SERGEF: variants seen among roughly 807,000 people sequenced by gnomAD.
The protein encoded by SERGEF is secretion regulating guanine nucleotide exchange factor.
Under a neutral mutation model 50.0 loss-of-function variants are expected in SERGEF, and 51 were observed. The observed-to-expected ratio is 1.02, with a 90% CI of 0.81 to 1.29. The LOEUF is 1.29. SERGEF is among the 50% of genes most tolerant of loss of function. The pLI, the probability that SERGEF is intolerant of heterozygous loss-of-function variation, is 0.00. For missense variants in SERGEF, 521 were observed against 557.0 expected, an observed-to-expected ratio of 0.94 and a Z score of 0.65; for synonymous variants, 205 against 212.4, an observed-to-expected ratio of 0.97 and a Z score of 0.30.
chr11:17,830,870 T>C (rs960045569), intron 10 of SERGEF, among the ~76,000 whole-genome samples: 3 of 152,166 alleles, frequency 2.0e-5, no homozygotes, highest in Non-Finnish European at 4.4e-5. Flanking sequence ...TTAGTAAGCA[T>C]ACATTTTCTA....
intron 8 of SERGEF, among the ~76,000 whole-genome samples, chr11:17,985,077 T>C (rs906800509): frequency 5.3e-5 from 8 of 152,202 alleles, no homozygotes; most frequent in Admixed American, 3.3e-4. Flanking sequence ...TAAAAGACTT[T>C]AGAAAACTTT....
chr11:17,989,551 T>C (rs766054766), intron 7 of SERGEF, among the ~76,000 whole-genome samples: 2 of 152,186 alleles, frequency 1.3e-5, no homozygotes, highest in African/African-American at 2.4e-5. Context: ...TACGTGCCTA[T>C]CTAAAAGGCA....
intron 9 of SERGEF, among the ~76,000 whole-genome samples, chr11:17,903,817 T>C (rs903214945): frequency 6.6e-6 from 1 of 152,198 alleles, no homozygotes; most frequent in Admixed American, 6.5e-5. Context: ...CTAACCATGA[T>C]CAGAACTGAG....
intron 10 of SERGEF, among the ~76,000 whole-genome samples, chr11:17,790,336 T>TG (rs1849460595): frequency 6.7e-6 from 1 of 148,308 alleles, no homozygotes; most frequent in Admixed American, 6.7e-5. Context: ...ATCATTCACA[T>TG]ATTTTTTTTT....
intron 10 of SERGEF, among the ~76,000 whole-genome samples, chr11:17,799,081 T>C (rs1849617842): frequency 6.6e-6 from 1 of 152,202 alleles, no homozygotes; most frequent in Admixed American, 6.5e-5. Flanking sequence ...TCAATCCTGG[T>C]GATACCTCCT....
intron 8 of SERGEF, among the ~76,000 whole-genome samples, chr11:17,973,932 ACC>A: frequency 6.6e-6 from 1 of 152,184 alleles, no homozygotes; most frequent in Non-Finnish European, 1.5e-5. Flanking sequence ...ATGTTCAAGG[ACC>A]CACCAGGAAA....
intron 10 of SERGEF, among the ~76,000 whole-genome samples, chr11:17,870,517 G>A (rs1485029235): frequency 1.3e-5 from 2 of 152,184 alleles, no homozygotes; most frequent in African/African-American, 2.4e-5. Flanking sequence ...TTCCAGGAAG[G>A]AATGAAGGCT....
chr11:17,806,444 T>C (rs564702560), intron 10 of SERGEF, among the ~76,000 whole-genome samples: 3 of 152,334 alleles, frequency 2.0e-5, no homozygotes, highest in Admixed American at 6.5e-5. Flanking sequence ...GCAGGAATGT[T>C]CTGGATCACT....
In SERGEF at chr11:17,918,475, C is replaced by T. The variant is rs61882455; in HGVS notation, c.1012-40231G>A. Among the ~76,000 whole-genome samples the T allele has an allele frequency of 9.6e-3, 1,460 of 152,274 alleles. 14 individuals are homozygous for T. Among genetic ancestry groups the T allele is most frequent in the Middle Eastern group, 0.024 (7 of 294 alleles). ...AGCACCTCCAAGGCAAATCCCTCCC[C>T]AGATGTCATGGCCTGGGAAACATCC... On this transcript the variant is annotated intron_variant, in intron 9 of 10. Coordinates refer to ENST00000265965, the MANE Select transcript of SERGEF (RefSeq NM_012139.4).
At chr11:17,916,231 G>T (rs1246956228) in intron 9 of SERGEF, among the ~76,000 whole-genome samples, 1 of 152,138 alleles carries the variant, frequency 6.6e-6, no homozygotes, top group Non-Finnish European at 1.5e-5. Flanking sequence ...TGGCCCTTCT[G>T]TACCTCTACA....
At chr11:17,842,277 C>T (rs934263822) in intron 10 of SERGEF, among the ~76,000 whole-genome samples, 3 of 152,096 alleles carry the variant, frequency 2.0e-5, no homozygotes, top group East Asian at 3.8e-4. Flanking sequence ...ATAACAGGTC[C>T]CTTTCTAATA....
intron 10 of SERGEF, among the ~76,000 whole-genome samples, chr11:17,819,403 A>T (rs943392673): frequency 6.6e-6 from 1 of 152,196 alleles, no homozygotes; most frequent in East Asian, 1.9e-4. Context: ...ACATTCATTG[A>T]CCCTATTATA....
intron 10 of SERGEF, among the ~76,000 whole-genome samples, chr11:17,838,879 T>A (rs979058658): frequency 1.2e-4 from 19 of 152,234 alleles, no homozygotes; most frequent in Admixed American, 1.2e-3. Context: ...GGTGTTTACA[T>A]TATGTCAGGC....
intron 10 of SERGEF, among the ~76,000 whole-genome samples, chr11:17,839,818 A>C (rs750819335): frequency 1.3e-5 from 2 of 152,182 alleles, no homozygotes; most frequent in African/African-American, 2.4e-5. Flanking sequence ...AAAACTCTGC[A>C]AGGTATTATA....
At position 17,888,270 on chromosome 11, in the gene SERGEF, T is replaced by C. The variant is rs1009284171; in HGVS notation, c.1012-10026A>G. ...ATAAGTAAATCTTTAAGAATAATAATATGAAACTCAAAAGTAGGCAAAACT... is the reference window on the plus strand; with the variant it reads ...ATAAGTAAATCTTTAAGAATAATAACATGAAACTCAAAAGTAGGCAAAACT... On this transcript the variant is annotated intron_variant, in intron 9 of 10. Transcript: ENST00000265965. The surrounding 1 kb of genome is among the most constrained non-coding windows in gnomAD (Gnocchi z 4.1). 2.6e-5 allele frequency among the ~76,000 whole-genome samples: 4 copies of C among 152,140 alleles called. No homozygotes were observed. Among genetic ancestry groups the C allele is most frequent in the Admixed American group, 6.5e-5 (1 of 15,286 alleles).
intron 10 of SERGEF, among the ~76,000 whole-genome samples, chr11:17,790,169 C>T (rs1231910738): frequency 3.9e-5 from 6 of 152,212 alleles, no homozygotes; most frequent in Non-Finnish European, 8.8e-5. Context: ...TTATGCCCCA[C>T]CTCCCATTCT....
At chr11:17,811,824 G>A (rs1849879169) in intron 10 of SERGEF, among the ~76,000 whole-genome samples, 1 of 152,250 alleles carries the variant, frequency 6.6e-6, no homozygotes, top group Non-Finnish European at 1.5e-5. Flanking sequence ...AACAGTAACA[G>A]ACAGGGATGT....
chr11:17,831,453 G>A (rs542853195), intron 10 of SERGEF, among the ~76,000 whole-genome samples: 5 of 152,256 alleles, frequency 3.3e-5, no homozygotes, highest in African/African-American at 1.2e-4. Flanking sequence ...TGGTGGCAAA[G>A]CCAAAACCAG....
At chr11:17,975,494 T>C (rs566393216) in intron 8 of SERGEF, among the ~76,000 whole-genome samples, 3 of 152,254 alleles carry the variant, frequency 2.0e-5, no homozygotes, top group South Asian at 4.1e-4. Context: ...TGGCTCACAA[T>C]AGCTTCCCAG....
Sources: allele counts gnomAD v4.1 joint callset (sites outside exome capture counted in the v4.1 genomes callset), GRCh38; gene constraint gnomAD v4.1.1; non-coding constraint Gnocchi (gnomAD v3.1); transcripts MANE v1.5; gene names NCBI Gene and HGNC (gene_info 2026-07-23, HGNC 2026-07-21).